SAMMSON: variants seen among roughly 807,000 people sequenced by gnomAD.
SAMMSON encodes long intergenic non-protein coding RNA 1212.
chr3:70,113,526 G>A (rs1415708471), intron 4 of SAMMSON, among the ~76,000 whole-genome samples: 1 of 151,982 alleles, frequency 6.6e-6, no homozygotes, highest in Non-Finnish European at 1.5e-5. Flanking sequence ...TATTTTATTT[G>A]ACCACTGATT....
intron 2 of SAMMSON, among the ~76,000 whole-genome samples, chr3:70,409,389 A>C (rs1701200773): frequency 1.3e-5 from 2 of 152,110 alleles, no homozygotes. Context: ...AAAACTTATC[A>C]CACAACGTTT....
intron 9 of SAMMSON, among the ~76,000 whole-genome samples, chr3:70,362,061 C>T (rs1453160693): frequency 2.0e-5 from 3 of 151,968 alleles, no homozygotes; most frequent in African/African-American, 7.3e-5. Context: ...GATATGCAAA[C>T]CATCATTTAC....
At chr3:70,419,778 A>G (rs1220123134) in intron 2 of SAMMSON, among the ~76,000 whole-genome samples, 3 of 152,054 alleles carry the variant, frequency 2.0e-5, no homozygotes, top group Admixed American at 2.0e-4. Context: ...AGCTGAGACT[A>G]CGGGTGCCTG....
intron 4 of SAMMSON, among the ~76,000 whole-genome samples, chr3:70,182,522 G>C (rs1701061479): frequency 6.6e-6 from 1 of 152,154 alleles, no homozygotes; most frequent in South Asian, 2.1e-4. Context: ...TAACAGATTG[G>C]AGCGGGGTGG....
intron 4 of SAMMSON, among the ~76,000 whole-genome samples, chr3:70,130,885 T>C (rs1234357045): frequency 6.6e-6 from 1 of 152,220 alleles, no homozygotes; most frequent in African/African-American, 2.4e-5. Context: ...CTATTCTCTC[T>C]GTGCTCTGTC....
At chr3:70,207,255 G>T (rs1701299647) in intron 4 of SAMMSON, among the ~76,000 whole-genome samples, 1 of 151,862 alleles carries the variant, frequency 6.6e-6, no homozygotes, top group Non-Finnish European at 1.5e-5. Context: ...TTCCTCCTCT[G>T]TAAAAAGAAA....
intron 1 of SAMMSON, among the ~76,000 whole-genome samples, chr3:70,011,100 C>G (rs1480123360): frequency 1.3e-5 from 2 of 152,070 alleles, no homozygotes; most frequent in African/African-American, 4.8e-5. Flanking sequence ...CTCAAGGGTT[C>G]TTCACCTTTT....
intron 4 of SAMMSON, among the ~76,000 whole-genome samples, chr3:70,079,668 A>G (rs1466124655): frequency 6.6e-6 from 1 of 152,218 alleles, no homozygotes; most frequent in Non-Finnish European, 1.5e-5. Flanking sequence ...GGATTAGGAT[A>G]GGCTATGATG....
At chr3:70,013,790 GC>G (rs2066968960) in intron 3 of SAMMSON, 1 of 152,106 alleles carries the variant, frequency 6.6e-6, no homozygotes, top group African/African-American at 2.4e-5. Context: ...CTTTCTTATT[GC>G]AGCTTTAGAA....
chr3:70,089,349 A>G (rs2067297497), intron 4 of SAMMSON, among the ~76,000 whole-genome samples: 1 of 152,196 alleles, frequency 6.6e-6, no homozygotes, highest in Non-Finnish European at 1.5e-5. Context: ...TGCAATCTTC[A>G]CAGTAGTTTT....
intron 4 of SAMMSON, among the ~76,000 whole-genome samples, chr3:70,076,688 A>G (rs998718786): frequency 1.1e-4 from 17 of 152,142 alleles, no homozygotes; most frequent in African/African-American, 3.9e-4. Flanking sequence ...GAAGAGAAAT[A>G]TAATTGAGGT....
At chr3:70,029,210 G>A (rs904597081) in intron 3 of SAMMSON, among the ~76,000 whole-genome samples, 4 of 151,444 alleles carry the variant, frequency 2.6e-5, no homozygotes, top group African/African-American at 7.3e-5. Context: ...CACTTAACCC[G>A]TCCTTCTTTT....
chr3:70,389,416 A>G (rs1266362958), intron 9 of SAMMSON, among the ~76,000 whole-genome samples: 1 of 152,144 alleles, frequency 6.6e-6, no homozygotes, highest in East Asian at 1.9e-4. Context: ...GTTGTGCTAA[A>G]TTATGACTAT....
intron 9 of SAMMSON, among the ~76,000 whole-genome samples, chr3:70,367,669 C>T (rs1427199787): frequency 4.6e-5 from 7 of 151,530 alleles, no homozygotes; most frequent in Admixed American, 6.6e-5. Flanking sequence ...CTATTGTGAA[C>T]AGTGATGTAT....
chr3:70,254,513 T>C (rs1451936687), intron 6 of SAMMSON, among the ~76,000 whole-genome samples: 1 of 152,158 alleles, frequency 6.6e-6, no homozygotes, highest in African/African-American at 2.4e-5. Context: ...TGGGGAAAAT[T>C]AGTTTTCACT....
chr3:70,270,253 T>C (rs927504933), intron 6 of SAMMSON, among the ~76,000 whole-genome samples: 7 of 152,312 alleles, frequency 4.6e-5, no homozygotes, highest in African/African-American at 1.7e-4. Flanking sequence ...CTTTCAAGTT[T>C]CTAAGGTACA....
intron 2 of SAMMSON, among the ~76,000 whole-genome samples, chr3:70,420,186 G>C (rs991501596): frequency 6.6e-6 from 1 of 152,184 alleles, no homozygotes; most frequent in Non-Finnish European, 1.5e-5. Context: ...TGTCTCACAG[G>C]TCCTCTTAGG....
At chr3:70,354,004 T>G (rs1196696270) in intron 7 of SAMMSON, among the ~76,000 whole-genome samples, 5 of 152,126 alleles carry the variant, frequency 3.3e-5, no homozygotes, top group African/African-American at 9.7e-5. Flanking sequence ...ATGACAAAAT[T>G]ATAGAAATGG....
chr3:70,063,282 A>T (rs1361238933), intron 3 of SAMMSON, among the ~76,000 whole-genome samples: 5 of 152,100 alleles, frequency 3.3e-5, no homozygotes, highest in African/African-American at 4.8e-5. Context: ...ATTCTACACC[A>T]AATATATCTT....
Sources: gnomAD v4.1 joint callset for allele counts (sites outside exome capture counted in the v4.1 genomes callset) on GRCh38, gnomAD v4.1.1 for gene constraint, MANE v1.5 for transcripts, NCBI Gene and HGNC (gene_info 2026-07-23, HGNC 2026-07-21) for gene names.